EPC2: variants seen among roughly 807,000 people sequenced by gnomAD.
EPC2 encodes enhancer of polycomb homolog 2.
EPC2 carries 14 observed loss-of-function variants against 92.1 expected under a neutral mutation model. The observed-to-expected ratio is 0.15, with a 90% CI of 0.10 to 0.24. The LOEUF (loss-of-function observed/expected upper bound fraction) is 0.24, where lower values mean the gene tolerates loss of function less well. Ranked by LOEUF, EPC2 falls within the 10% of genes least tolerant of loss-of-function variation. The pLI, the probability that EPC2 is intolerant of heterozygous loss-of-function variation, is 1.00. For missense variants in EPC2, 755 were observed against 971.5 expected (o/e 0.78, Z 2.96); for synonymous variants, 340 against 334.7 (o/e 1.02, Z -0.17).
At chr2:148,776,275 A>T (rs1683643967) in intron 10 of EPC2, among the ~76,000 whole-genome samples, 1 of 152,208 alleles carries the variant, frequency 6.6e-6, no homozygotes. Context: ...TGAGAAACGG[A>T]TTCAGACCTA....
Position 148,784,679 on chromosome 2 carries a change from A to T in EPC2, c.2029A>T (p.Thr677Ser). 6.2e-7 allele frequency: 1 copy of T among 1,604,486 alleles called. No individual in the cohort carries two copies. The highest frequency in any genetic ancestry group is 1.1e-5 in the South Asian group (1 of 89,554). Residue 677 changes from threonine (T) to serine (S), a missense_variant, in exon 13 of 14, where the codon ACA becomes TCA. Thr to Ser is a moderately conservative substitution (Grantham distance 58). Transcript: ENST00000258484. Reference protein sequence around the residue: ...GVVQPSGTSKTLYSTNMALSS... With the variant: ...GVVQPSGTSKSLYSTNMALSS... ...TCTTTCTTTTTCAGGAACCTCTAAA[A>T]CATTATACTCCACCAATATGGCTTT...
chr2:148,695,423 T>TC (rs1218576660), intron 2 of EPC2, among the ~76,000 whole-genome samples: 1 of 152,230 alleles, frequency 6.6e-6, no homozygotes, highest in East Asian at 1.9e-4. Flanking sequence ...TGAAGCTGAC[T>TC]CCTCAGACTG....
intron 3 of EPC2, among the ~76,000 whole-genome samples, chr2:148,747,957 G>T (rs1285331637): frequency 6.6e-6 from 1 of 151,974 alleles, no homozygotes; most frequent in Non-Finnish European, 1.5e-5. Context: ...CTCTGATATG[G>T]TTTGGATTTG....
intron 10 of EPC2, among the ~76,000 whole-genome samples, chr2:148,772,468 G>A (rs1683541997): frequency 6.6e-6 from 1 of 152,080 alleles, no homozygotes; most frequent in East Asian, 1.9e-4. Flanking sequence ...CTTCTTTAAA[G>A]TGATCATAAA....
intron 3 of EPC2, among the ~76,000 whole-genome samples, chr2:148,746,520 TGATTTA>T (rs1489996418): frequency 3.9e-5 from 6 of 152,154 alleles, no homozygotes; most frequent in Non-Finnish European, 8.8e-5. Flanking sequence ...TCAAATTGTT[TGATTTA>T]GTATCTTCTT....
At chr2:148,709,471 C>T (rs1037225186) in intron 2 of EPC2, among the ~76,000 whole-genome samples, 1 of 152,206 alleles carries the variant, frequency 6.6e-6, no homozygotes, top group African/African-American at 2.4e-5. Context: ...CAATGACTTT[C>T]TTCACAGAAT....
At chr2:148,667,157 A>G (rs1379855244) in intron 1 of EPC2, among the ~76,000 whole-genome samples, 1 of 152,244 alleles carries the variant, frequency 6.6e-6, no homozygotes, top group African/African-American at 2.4e-5. Flanking sequence ...GGGCCACGTT[A>G]TTAACATTCT....
intron 2 of EPC2, among the ~76,000 whole-genome samples, chr2:148,700,059 ATTTC>A: frequency 6.6e-6 from 1 of 151,836 alleles, no homozygotes; most frequent in African/African-American, 2.4e-5. Context: ...TCTTTTGCCC[ATTTC>A]TTTATTGGAT....
At chr2:148,685,583 A>G (rs1307603494) in intron 1 of EPC2, among the ~76,000 whole-genome samples, 1 of 152,168 alleles carries the variant, frequency 6.6e-6, no homozygotes, top group Non-Finnish European at 1.5e-5. Flanking sequence ...ACACGGTGAA[A>G]CACCGTCTCT....
chr2:148,771,636 T>C (rs543345196), intron 10 of EPC2, among the ~76,000 whole-genome samples: 1 of 152,250 alleles, frequency 6.6e-6, no homozygotes, highest in Non-Finnish European at 1.5e-5. Context: ...GCCACACTGC[T>C]TATAAGCTGC....
chr2:148,722,464 C>T (rs539916623), intron 2 of EPC2, among the ~76,000 whole-genome samples: 1 of 152,268 alleles, frequency 6.6e-6, no homozygotes, highest in African/African-American at 2.4e-5. Flanking sequence ...GAAATCAAAA[C>T]CACAATGAGG....
At chr2:148,680,914 C>T (rs921191516) in intron 1 of EPC2, among the ~76,000 whole-genome samples, 4 of 152,108 alleles carry the variant, frequency 2.6e-5, no homozygotes, top group African/African-American at 9.7e-5. Flanking sequence ...AAGAAGGTTG[C>T]TGTAATTTTA....
At chr2:148,662,199 A>G (rs1358609841) in intron 1 of EPC2, among the ~76,000 whole-genome samples, 1 of 152,150 alleles carries the variant, frequency 6.6e-6, no homozygotes, top group Non-Finnish European at 1.5e-5. Flanking sequence ...AGAAATAGGA[A>G]CACTTTTACA....
intron 2 of EPC2, among the ~76,000 whole-genome samples, chr2:148,733,678 A>C (rs1238035305): frequency 6.6e-6 from 1 of 151,330 alleles, no homozygotes; most frequent in Non-Finnish European, 1.5e-5. Flanking sequence ...TTTTGTAGTG[A>C]TGGAGTTTCA....
intron 1 of EPC2, among the ~76,000 whole-genome samples, chr2:148,662,824 A>AAT (rs1465563463): frequency 1.3e-5 from 2 of 151,560 alleles, no homozygotes; most frequent in African/African-American, 2.4e-5. Context: ...TAATAATAAT[A>AAT]AAATTTTTTT....
intron 2 of EPC2, among the ~76,000 whole-genome samples, chr2:148,727,190 C>G (rs1682516308): frequency 6.6e-6 from 1 of 152,142 alleles, no homozygotes; most frequent in South Asian, 2.1e-4. Flanking sequence ...AAGAGACTGT[C>G]CTTTTCCCAT....
chr2:148,733,693 G>A (rs1682693188), intron 2 of EPC2, among the ~76,000 whole-genome samples: 1 of 151,372 alleles, frequency 6.6e-6, no homozygotes, highest in South Asian at 2.1e-4. Context: ...GTTTCACCAT[G>A]TTGTCCAGGC....
intron 11 of EPC2, among the ~76,000 whole-genome samples, chr2:148,782,761 T>TTTCTC (rs10626824): frequency 0.96 from 146,368 of 152,090 alleles, 70,656 homozygotes; most frequent in Middle Eastern, 1. Flanking sequence ...TGATAATAAA[T>TTTCTC]TTTTAAGCCA....
At chr2:148,745,658 T>G (rs957761732) in intron 3 of EPC2, among the ~76,000 whole-genome samples, 6 of 152,088 alleles carry the variant, frequency 3.9e-5, no homozygotes, top group African/African-American at 1.4e-4. Context: ...GTTTTGTCAT[T>G]GGAACAAAGT....
Sources: allele counts gnomAD v4.1 joint callset (sites outside exome capture counted in the v4.1 genomes callset), GRCh38; gene constraint gnomAD v4.1.1; transcripts MANE v1.5; gene names NCBI Gene and HGNC (gene_info 2026-07-23, HGNC 2026-07-21).